The following DPP6 variants were observed in gnomAD, a reference collection of about 807,000 sequenced individuals.
DPP6 encodes the protein dipeptidyl peptidase like 6.
DPP6 carries 69 observed loss-of-function variants against 122.6 expected under a neutral mutation model. The observed-to-expected ratio is 0.56, with a 90% CI of 0.46 to 0.69. DPP6 has a LOEUF of 0.69. DPP6 is among the 30% of genes least tolerant of loss of function. The probability of loss-of-function intolerance (pLI) is 0.00; values close to 1 mark genes in which losing one functional copy is unlikely to be tolerated. For missense variants in DPP6, 928 were observed against 1,116.9 expected (o/e 0.83, Z 2.41); for synonymous variants, 418 against 433.1 (o/e 0.97, Z 0.43).
rs1825568658 is a variant in DPP6 at position 154,505,101 on chromosome 7, A to G, written c.457+30064A>G. Among the ~76,000 whole-genome samples, 4 of 152,158 alleles carry G rather than the reference A, an allele frequency of 2.6e-5. No homozygotes were observed. In the South Asian group the frequency reaches 8.3e-4, roughly 31 times the overall value. ...TGGACAGCAGCATCTGGAAAGTCTA[A>G]ATACTGTAGTCTCTTCAGAGACTTC... On this transcript the variant is annotated intron_variant, in intron 3 of 25. Coordinates refer to ENST00000377770, the MANE Select transcript of DPP6 (RefSeq NM_130797.4).
intron 10 of DPP6, among the ~76,000 whole-genome samples, chr7:154,789,427 G>C (rs373888375): frequency 6.6e-6 from 1 of 152,212 alleles, no homozygotes; most frequent in Non-Finnish European, 1.5e-5. Context: ...TTCCTTCTGC[G>C]TTCTCATGGC....
chr7:154,222,512 G>A (rs1800362438), intron 1 of DPP6, among the ~76,000 whole-genome samples: 1 of 147,944 alleles, frequency 6.8e-6, no homozygotes, highest in Non-Finnish European at 1.5e-5. Context: ...AAAATTAGCC[G>A]GGCGTGGTGG....
chr7:154,202,958 G>A (rs1799250083), intron 1 of DPP6, among the ~76,000 whole-genome samples: 1 of 152,150 alleles, frequency 6.6e-6, no homozygotes, highest in South Asian at 2.1e-4. Flanking sequence ...TGGGGACACA[G>A]GCCAGGGTTT....
chr7:153,883,170 C>G (rs983381125), upstream of DPP6, among the ~76,000 whole-genome samples: 17 of 152,228 alleles, frequency 1.1e-4, 1 homozygote, highest in Admixed American at 9.8e-4. Flanking sequence ...AAATATAGGA[C>G]CACCTTCACA....
chr7:154,342,333 G>T (rs950959450), intron 1 of DPP6, among the ~76,000 whole-genome samples: 1 of 152,200 alleles, frequency 6.6e-6, no homozygotes, highest in Admixed American at 6.5e-5. Flanking sequence ...GATTTGAGCC[G>T]GGGATAGGGT....
At chr7:153,883,587 C>T (rs1798814177), upstream of DPP6, among the ~76,000 whole-genome samples, 1 of 152,180 alleles carries the variant, frequency 6.6e-6, no homozygotes, top group Non-Finnish European at 1.5e-5. Flanking sequence ...ACCATGTTGG[C>T]CAGGCTGGTC....
intron 1 of DPP6, among the ~76,000 whole-genome samples, chr7:153,912,109 C>CA (rs1211758800): frequency 1.0e-4 from 15 of 150,170 alleles, no homozygotes; most frequent in East Asian, 9.7e-4. Context: ...TAATTTCTGC[C>CA]AAAAAAAAAT....
intron 1 of DPP6, among the ~76,000 whole-genome samples, chr7:154,360,090 A>G (rs1334956934): frequency 6.6e-6 from 1 of 152,208 alleles, no homozygotes; most frequent in East Asian, 1.9e-4. Context: ...GCCAGTAGTG[A>G]TCCTCCCTTT....
chr7:154,113,174 C>T (rs534577302), intron 1 of DPP6, among the ~76,000 whole-genome samples: 1 of 152,264 alleles, frequency 6.6e-6, no homozygotes, highest in East Asian at 1.9e-4. Flanking sequence ...AATAATGCTG[C>T]AATGAACATG....
chr7:153,950,287 TGGC>T (rs1802148256), intron 1 of DPP6, among the ~76,000 whole-genome samples: 1 of 152,000 alleles, frequency 6.6e-6, no homozygotes, highest in Non-Finnish European at 1.5e-5. Context: ...CAGGCAGAGA[TGGC>T]GGCATGTAGA....
chr7:154,384,206 C>G (rs753841182), intron 1 of DPP6, among the ~76,000 whole-genome samples: 2 of 152,100 alleles, frequency 1.3e-5, no homozygotes, highest in African/African-American at 2.4e-5. Flanking sequence ...AGGACTCTGC[C>G]CTCCAGTAAT....
intron 1 of DPP6, among the ~76,000 whole-genome samples, chr7:154,007,268 A>C (rs1455281362): frequency 1.3e-5 from 2 of 152,158 alleles, no homozygotes; most frequent in African/African-American, 4.8e-5. Flanking sequence ...CATTCACTCA[A>C]CGTCTGTGAG....
intron 22 of DPP6, 103 bp downstream of exon 22, chr7:154,885,847 A>C (rs1164495861): frequency 6.8e-7 from 1 of 1,472,336 alleles, no homozygotes; most frequent in East Asian, 2.5e-5. Context: ...CCGTCCCGCT[A>C]ACCACAGGTG....
chr7:154,874,205 C>T (rs530208938), intron 19 of DPP6, among the ~76,000 whole-genome samples: 20 of 152,340 alleles, frequency 1.3e-4, no homozygotes, highest in African/African-American at 4.3e-4. Context: ...CCACTTTCTC[C>T]AGGATGCTAA....
chr7:154,738,088 C>T (rs1842650987), intron 8 of DPP6, among the ~76,000 whole-genome samples: 1 of 152,202 alleles, frequency 6.6e-6, no homozygotes, highest in African/African-American at 2.4e-5. Context: ...CTTTCTTCTC[C>T]CATCCTGCTG....
intron 7 of DPP6, among the ~76,000 whole-genome samples, chr7:154,693,159 G>A (rs1446229808): frequency 1.3e-5 from 2 of 151,908 alleles, no homozygotes; most frequent in African/African-American, 2.4e-5. Flanking sequence ...TTAAAGAGTG[G>A]TAATTTGGCT....
chr7:154,198,346 C>T (rs1798981547), intron 1 of DPP6, among the ~76,000 whole-genome samples: 2 of 151,970 alleles, frequency 1.3e-5, no homozygotes, highest in Non-Finnish European at 1.5e-5. Flanking sequence ...GGGTCTCACT[C>T]TGTCGCCCAG....
rs1468280519 is a variant in DPP6, at chr7:153,983,414, C to T, written c.51+95680C>T. Among the ~76,000 whole-genome samples, 7 of 152,222 alleles carry T rather than the reference C, an allele frequency of 4.6e-5. No homozygotes were observed. In the East Asian group the frequency reaches 1.2e-3, roughly 25 times the overall value. On this transcript the variant is annotated intron_variant, in intron 1 of 25. Transcript: ENST00000404039. The stretch of plus-strand genomic sequence containing the variant: ...CCCTCCCCTGACCAAGCTTGAGCAT[C>T]CCAGGTCAACTTCAGACGGCTGTGC...
At chr7:154,072,648 G>A (rs1449897241) in intron 1 of DPP6, among the ~76,000 whole-genome samples, 5 of 152,288 alleles carry the variant, frequency 3.3e-5, no homozygotes, top group East Asian at 1.9e-4. Flanking sequence ...GCTCTTGCAC[G>A]CAAGTGTGGT....
Sources: gnomAD v4.1 joint callset for allele counts (sites outside exome capture counted in the v4.1 genomes callset) on GRCh38, gnomAD v4.1.1 for gene constraint, MANE v1.5 for transcripts, NCBI Gene and HGNC (gene_info 2026-07-23, HGNC 2026-07-21) for gene names.